MIAT: variants seen among roughly 807,000 people sequenced by gnomAD.
MIAT encodes myocardial infarction associated transcript, also known as MI related novel mRNA.
At chr22:26,658,827 C>T (rs1930554084) in intron 2 of MIAT, among the ~76,000 whole-genome samples, 1 of 152,122 alleles carries the variant, frequency 6.6e-6, no homozygotes, top group Non-Finnish European at 1.5e-5. Context: ...CTTGAGGGAA[C>T]GGCTTTGTTT....
chr22:26,647,581 G>A (rs1355712484), intron 2 of MIAT, among the ~76,000 whole-genome samples: 1 of 152,168 alleles, frequency 6.6e-6, no homozygotes, highest in Non-Finnish European at 1.5e-5. Context: ...TGCCTGGGGT[G>A]GGAGCGTGCT....
intron 2 of MIAT, among the ~76,000 whole-genome samples, chr22:26,651,582 C>G (rs932198501): frequency 6.6e-6 from 1 of 152,232 alleles, no homozygotes; most frequent in African/African-American, 2.4e-5. Flanking sequence ...CAAACAAATA[C>G]TTGCACATGC....
At chr22:26,670,796 T>C, downstream of MIAT, 1 of 398,412 alleles carries the variant, frequency 2.5e-6, no homozygotes, top group Non-Finnish European at 4.4e-6. Context: ...TTTAGAACTG[T>C]GGGAGATGCT....
At chr22:26,653,992 C>T (rs1010146209) in intron 2 of MIAT, among the ~76,000 whole-genome samples, 1 of 152,118 alleles carries the variant, frequency 6.6e-6, no homozygotes, top group Non-Finnish European at 1.5e-5. Context: ...CCGCCCACCT[C>T]GCCTCCCAAA....
chr22:26,650,010 G>A (rs943214111), intron 2 of MIAT, among the ~76,000 whole-genome samples: 1 of 152,250 alleles, frequency 6.6e-6, no homozygotes, highest in African/African-American at 2.4e-5. Flanking sequence ...CAGCAGGACT[G>A]AGTTCTAGTC....
At chr22:26,666,843 G>C (rs1602367355) in exon 4 of MIAT, 5 of 399,098 alleles carry the variant, frequency 1.3e-5, no homozygotes, top group Middle Eastern at 6.3e-4. Context: ...GGTGTGGTTG[G>C]CTCTTTTGTC....
intron 3 of MIAT, among the ~76,000 whole-genome samples, chr22:26,664,255 C>A: frequency 6.6e-6 from 1 of 152,042 alleles, no homozygotes; most frequent in Non-Finnish European, 1.5e-5. Flanking sequence ...CGAGTGGTCG[C>A]CTCGGCCTCC....
Position 26,647,935 on chromosome 22 carries a change from G to T in MIAT, n.646+624G>T, listed in dbSNP as rs369755600. ...GGGTGAGTGTGAAACTGGAGGAAGG[G>T]TGTTTTTGTAAAGTCTCCTGCAGAG... On this transcript the variant is annotated intron_variant and non_coding_transcript_variant, in intron 2 of 5. Transcript: ENST00000643270. Among the ~76,000 whole-genome samples, 496 of 152,180 alleles carry T rather than the reference G, an allele frequency of 3.3e-3. 1 individual carries two copies. The highest frequency in any genetic ancestry group is 6.8e-3 in the Middle Eastern group (2 of 294).
At chr22:26,670,943 G>A (rs1314859297), downstream of MIAT, 1 of 397,950 alleles carries the variant, frequency 2.5e-6, no homozygotes, top group African/African-American at 2.1e-5. Flanking sequence ...GGTTCCAGGA[G>A]CCAGGCCAGC....
At chr22:26,657,156 C>T (rs5761664) in intron 2 of MIAT, 80,655 of 203,234 alleles carry the variant, frequency 0.4, 16,235 homozygotes, top group African/African-American at 0.44. Context: ...CGCGGTCGCG[C>T]GCAGCCCCCG....
exon 5 of MIAT, chr22:26,667,308 G>A (rs1489478021): frequency 2.5e-6 from 1 of 396,628 alleles, no homozygotes; most frequent in African/African-American, 2.1e-5. Context: ...TCTCGGCAAG[G>A]GGGTGAGCTC....
downstream of MIAT, chr22:26,673,621 C>T: frequency 2.5e-6 from 1 of 398,784 alleles, no homozygotes; most frequent in East Asian, 3.6e-5. Flanking sequence ...TGGATGTCGG[C>T]ATGGCTGGGA....
intron 2 of MIAT, among the ~76,000 whole-genome samples, chr22:26,648,550 TG>T (rs201888714): frequency 9.7e-5 from 11 of 113,146 alleles, no homozygotes; most frequent in Non-Finnish European, 1.5e-4. Flanking sequence ...CATAGTTTGA[TG>T]GGGTTTTGTT....
chr22:26,673,297 T>A, downstream of MIAT: 1 of 398,694 alleles, frequency 2.5e-6, no homozygotes, highest in East Asian at 3.6e-5. Flanking sequence ...CTGGGGGTGA[T>A]TTCATGCCTC....
Position 26,647,169 on chromosome 22 carries a change from T to C in MIAT, n.509-5T>C, listed in dbSNP as rs139323092. 1.2e-4 allele frequency: 47 copies of C among 398,534 alleles called. No homozygotes were observed. The East Asian group carries it at 1.5e-3, about 13-fold the overall frequency. The allele number at this position is 398,534 out of a possible 1,614,324, so 24.7% of individuals were successfully genotyped here. On this transcript the variant is annotated splice_polypyrimidine_tract_variant and splice_region_variant and intron_variant and non_coding_transcript_variant, in intron 1 of 5. Transcript: ENST00000643270. ...CTTCTCTGGGTCTCTGTTCCATCTA[T>C]AAAGTGCTTTCTGAGAAGCCCTCCA...
At chr22:26,660,062 C>A (rs1386912247) in intron 2 of MIAT, among the ~76,000 whole-genome samples, 1 of 151,402 alleles carries the variant, frequency 6.6e-6, no homozygotes, top group Non-Finnish European at 1.5e-5. Flanking sequence ...TCTCGAACTC[C>A]TCACCTCAAG....
chr22:26,649,644 G>C (rs1024667931), intron 2 of MIAT, among the ~76,000 whole-genome samples: 7 of 152,262 alleles, frequency 4.6e-5, no homozygotes, highest in African/African-American at 1.7e-4. Flanking sequence ...GCAGGGCACA[G>C]TGGCTCACGC....
At chr22:26,673,608 G>T (rs1198106077), downstream of MIAT, 1 of 398,744 alleles carries the variant, frequency 2.5e-6, no homozygotes, top group Non-Finnish European at 4.4e-6. Flanking sequence ...ACTGTTAACA[G>T]CTTGGATGTC....
downstream of MIAT, chr22:26,673,437 C>T: frequency 2.5e-6 from 1 of 398,908 alleles, no homozygotes; most frequent in Non-Finnish European, 4.4e-6. Flanking sequence ...CCAACCTGGC[C>T]CTGTCTGGGG....
Sources: allele counts gnomAD v4.1 joint callset (sites outside exome capture counted in the v4.1 genomes callset), GRCh38; gene constraint gnomAD v4.1.1; transcripts MANE v1.5; gene names NCBI Gene and HGNC (gene_info 2026-07-23, HGNC 2026-07-21).